Variants in PDGFC observed in about 807,000 individuals in gnomAD.
The protein encoded by PDGFC is platelet derived growth factor C, also known as platelet-derived growth factor C.
In PDGFC, 12 loss-of-function variants were observed where a neutral mutation model predicts 35.5. The ratio of observed to expected loss-of-function variants is 0.34; its 90% CI spans 0.22 to 0.55. The LOEUF (loss-of-function observed/expected upper bound fraction) is 0.55. Ranked by LOEUF, PDGFC falls within the 20% of genes least tolerant of loss-of-function variation. PDGFC has a pLI of 0.91. For synonymous variants in PDGFC, 159 were observed against 148.8 expected, an observed-to-expected ratio of 1.07 and a Z score of -0.50; for missense variants, 322 against 412.4, an observed-to-expected ratio of 0.78 and a Z score of 1.90.
intron 1 of PDGFC, among the ~76,000 whole-genome samples, chr4:156,946,081 A>C (rs889105833): frequency 7.9e-5 from 12 of 152,124 alleles, no homozygotes; most frequent in African/African-American, 2.9e-4. Context: ...ACTGAATGAA[A>C]GTAGGTTATG....
chr4:156,868,334 TTCACAGG>T (rs1437883041), intron 1 of PDGFC, among the ~76,000 whole-genome samples: 1 of 152,208 alleles, frequency 6.6e-6, no homozygotes, highest in Admixed American at 6.5e-5. Flanking sequence ...AACTAAATCT[TTCACAGG>T]TCACTTTAAA....
intron 1 of PDGFC, among the ~76,000 whole-genome samples, chr4:156,942,729 T>C (rs542737596): frequency 6.7e-6 from 1 of 148,516 alleles, no homozygotes; most frequent in African/African-American, 2.4e-5. Flanking sequence ...TGTAATTATA[T>C]ATGTATAATT....
intron 1 of PDGFC, among the ~76,000 whole-genome samples, chr4:156,933,121 T>G (rs1398906204): frequency 6.6e-6 from 1 of 152,156 alleles, no homozygotes; most frequent in African/African-American, 2.4e-5. Flanking sequence ...AGCTAATTCA[T>G]AGGGTTCTTT....
At chr4:156,953,658 T>G (rs961728655) in intron 1 of PDGFC, among the ~76,000 whole-genome samples, 1 of 152,006 alleles carries the variant, frequency 6.6e-6, no homozygotes, top group African/African-American at 2.4e-5. Flanking sequence ...AAAGTTTCTA[T>G]AAAAAGACAT....
In PDGFC at chr4:156,838,224, C is replaced by T. The variant is rs115751144; in HGVS notation, c.314+11997G>A. ...AGCAGAGATGGTTATTTTTGTACCA[C>T]CAGCACCTCTTCCTCCTCCTAAAGA... On this transcript the variant is annotated intron_variant, in intron 2 of 5. Coordinates refer to ENST00000502773, the MANE Select transcript of PDGFC (RefSeq NM_016205.3). Among the ~76,000 whole-genome samples, 301 of 152,304 alleles carry T rather than the reference C, an allele frequency of 2.0e-3. 1 individual carries two copies. The highest frequency in any genetic ancestry group is 6.9e-3 in the African/African-American group (285 of 41,562).
chr4:156,789,820 C>A (rs1450889572), intron 3 of PDGFC, among the ~76,000 whole-genome samples: 4 of 151,572 alleles, frequency 2.6e-5, no homozygotes, highest in Non-Finnish European at 5.9e-5. Flanking sequence ...AATAAAAATA[C>A]AAAAAAGTTA....
At chr4:156,779,048 T>C (rs906536301) in intron 3 of PDGFC, 2 of 436,652 alleles carry the variant, frequency 4.6e-6, no homozygotes, top group South Asian at 3.3e-5. Context: ...CCAATCTCAT[T>C]TATGTAATGT....
At chr4:156,780,530 ATAT>A (rs1235596306) in intron 3 of PDGFC, among the ~76,000 whole-genome samples, 1 of 152,196 alleles carries the variant, frequency 6.6e-6, no homozygotes, top group East Asian at 1.9e-4. Flanking sequence ...AATAGTGGCT[ATAT>A]TGGTAGACAT....
intron 3 of PDGFC, among the ~76,000 whole-genome samples, chr4:156,787,343 T>C (rs1371061970): frequency 6.6e-6 from 1 of 152,064 alleles, no homozygotes; most frequent in Non-Finnish European, 1.5e-5. Context: ...CCACTGATGA[T>C]AGGTCTGATA....
At chr4:156,922,551 G>A (rs1343013146) in intron 1 of PDGFC, among the ~76,000 whole-genome samples, 1 of 152,164 alleles carries the variant, frequency 6.6e-6, no homozygotes, top group African/African-American at 2.4e-5. Flanking sequence ...GACCTCAAAA[G>A]ACTCATGGTT....
intron 1 of PDGFC, among the ~76,000 whole-genome samples, chr4:156,943,298 A>G (rs767274278): frequency 3.9e-5 from 6 of 152,072 alleles, no homozygotes; most frequent in Non-Finnish European, 5.9e-5. Flanking sequence ...TACTGGTATC[A>G]ACCTTGATAT....
intron 1 of PDGFC, among the ~76,000 whole-genome samples, chr4:156,906,496 A>G (rs1730918544): frequency 6.6e-6 from 1 of 152,182 alleles, no homozygotes; most frequent in African/African-American, 2.4e-5. Flanking sequence ...ATGTAAAACT[A>G]TAATTTTAAG....
chr4:156,808,703 T>C lies in PDGFC; in HGVS notation c.495+2134A>G, dbSNP rs112834977. ...GTAATTTAGGAGTACACAATGATAA[T>C]TCAAAACATTCTGCAAGGCTTAACA... On this transcript the variant is annotated intron_variant, in intron 3 of 5. Transcript: ENST00000502773. 7.8e-3 allele frequency among the ~76,000 whole-genome samples: 1,188 copies of C among 152,004 alleles called. 10 individuals carry two copies. Among genetic ancestry groups the C allele is most frequent in the Non-Finnish European group, 0.012 (786 of 67,904 alleles).
chr4:156,834,574 G>A (rs1007971396), intron 2 of PDGFC, among the ~76,000 whole-genome samples: 20 of 152,170 alleles, frequency 1.3e-4, no homozygotes, highest in African/African-American at 2.7e-4. Flanking sequence ...TGTTTTTGAA[G>A]TTAGTGCATG....
chr4:156,841,721 G>T lies in PDGFC; in HGVS notation c.314+8500C>A, dbSNP rs72974693. On this transcript the variant is annotated intron_variant, in intron 2 of 5. Coordinates refer to ENST00000502773, the MANE Select transcript of PDGFC (RefSeq NM_016205.3). The stretch of plus-strand genomic sequence containing the variant: ...GGGTTTTACCAAACTGGCCAAGCTG[G>T]TCTCAATCTCCTGACCTCTGGTGAG... 4.9e-3 allele frequency among the ~76,000 whole-genome samples: 751 copies of T among 152,024 alleles called. 6 individuals carry two copies. Among genetic ancestry groups the T allele is most frequent in the African/African-American group, 0.017 (699 of 41,454 alleles).
intron 1 of PDGFC, among the ~76,000 whole-genome samples, chr4:156,864,728 GA>G (rs1729793601): frequency 6.6e-6 from 1 of 152,068 alleles, no homozygotes; most frequent in South Asian, 2.1e-4. Flanking sequence ...GACCCAGACA[GA>G]AGAATATAAT....
intron 2 of PDGFC, among the ~76,000 whole-genome samples, chr4:156,825,346 C>T (rs1286581192): frequency 6.9e-6 from 1 of 144,400 alleles, no homozygotes; most frequent in Non-Finnish European, 1.5e-5. Context: ...CTCAGAAGTT[C>T]AAGAATAGCC....
chr4:156,811,769 T>C (rs1000170729), intron 2 of PDGFC, among the ~76,000 whole-genome samples: 1 of 152,096 alleles, frequency 6.6e-6, no homozygotes, highest in African/African-American at 2.4e-5. Context: ...GGATCAGTGG[T>C]GTTCACTGAG....
intron 2 of PDGFC, among the ~76,000 whole-genome samples, chr4:156,844,545 G>A (rs1424669337): frequency 1.3e-5 from 2 of 151,936 alleles, no homozygotes; most frequent in African/African-American, 2.4e-5. Flanking sequence ...TTCCTTTCTA[G>A]AGAGACAACT....
Sources: allele counts gnomAD v4.1 joint callset (sites outside exome capture counted in the v4.1 genomes callset), GRCh38; gene constraint gnomAD v4.1.1; transcripts MANE v1.5; gene names NCBI Gene and HGNC (gene_info 2026-07-23, HGNC 2026-07-21).